Variants in LIMCH1 observed in about 807,000 individuals in gnomAD.
LIMCH1 encodes LIM and calponin homology domains 1.
A neutral mutation model predicts 176.5 loss-of-function variants in LIMCH1; 113 were observed. That is an observed-to-expected ratio of 0.64 (90% CI 0.55 to 0.75). The LOEUF is 0.75. LIMCH1 is among the 30% of genes least tolerant of loss of function. The pLI is 0.00. For missense variants in LIMCH1, 1,674 were observed against 1,814.9 expected (o/e 0.92, Z 1.41); for synonymous variants, 619 against 645.9 (o/e 0.96, Z 0.63).
intron 5 of LIMCH1, among the ~76,000 whole-genome samples, chr4:41,618,466 A>T (rs2092310056): frequency 6.6e-6 from 1 of 152,220 alleles, no homozygotes; most frequent in African/African-American, 2.4e-5. Context: ...CAATGACATA[A>T]TAACTATAAA....
intron 6 of LIMCH1, chr4:41,619,979 A>C (rs2092438917): frequency 1.1e-5 from 2 of 183,814 alleles, no homozygotes; most frequent in Admixed American, 1.1e-4. Context: ...TTATTTATTC[A>C]TTTATTCAGC....
At chr4:41,468,842 C>T (rs2066536142) in intron 1 of LIMCH1, among the ~76,000 whole-genome samples, 3 of 152,070 alleles carry the variant, frequency 2.0e-5, no homozygotes, top group Admixed American at 1.3e-4. Context: ...TAACTCTGGG[C>T]TTTTGTGTGT....
At chr4:41,439,088 T>G (rs1046957065) in intron 1 of LIMCH1, among the ~76,000 whole-genome samples, 5 of 152,192 alleles carry the variant, frequency 3.3e-5, no homozygotes, top group African/African-American at 4.8e-5. Flanking sequence ...ATGTGGAAGA[T>G]GTACCCTTCA....
At chr4:41,502,267 T>C (rs1383833389) in intron 2 of LIMCH1, among the ~76,000 whole-genome samples, 1 of 152,216 alleles carries the variant, frequency 6.6e-6, no homozygotes, top group Non-Finnish European at 1.5e-5. Context: ...CTGCATAGTA[T>C]TCCATGGTGT....
At chr4:41,460,532 GTTGT>G (rs1049104312) in intron 1 of LIMCH1, among the ~76,000 whole-genome samples, 4 of 145,340 alleles carry the variant, frequency 2.8e-5, no homozygotes, top group East Asian at 4.0e-4. Flanking sequence ...TTTTTTTTAA[GTTGT>G]TTGTCAGTTT....
intron 16 of LIMCH1, 44 bp downstream of exon 16, chr4:41,646,324 G>C (rs745606835): frequency 6.4e-7 from 1 of 1,553,570 alleles, no homozygotes; most frequent in Admixed American, 2.1e-5. Flanking sequence ...ATATTATCTA[G>C]GTGTTTTTTT....
intron 1 of LIMCH1, among the ~76,000 whole-genome samples, chr4:41,370,890 T>C (rs1581134345): frequency 6.6e-6 from 1 of 152,042 alleles, no homozygotes. Context: ...TTTATGGCCG[T>C]TTTACAGATG....
At chr4:41,557,544 C>CTGTGTGTGTGTGTGTG (rs1027942562) in intron 1 of LIMCH1, among the ~76,000 whole-genome samples, 6 of 99,840 alleles carry the variant, frequency 6.0e-5, no homozygotes, top group African/African-American at 5.6e-4. Context: ...TCTTTATTGC[C>CTGTGTGTGTGTGTGTG]TCTGTGTGTG....
At chr4:41,410,857 G>A (rs1305704889) in intron 1 of LIMCH1, among the ~76,000 whole-genome samples, 1 of 152,044 alleles carries the variant, frequency 6.6e-6, no homozygotes, top group African/African-American at 2.4e-5. Context: ...ATCTCATTTT[G>A]CCAGGCCCTG....
At chr4:41,429,255 G>A (rs746276770) in intron 1 of LIMCH1, among the ~76,000 whole-genome samples, 5 of 152,076 alleles carry the variant, frequency 3.3e-5, no homozygotes, top group Non-Finnish European at 7.4e-5. Flanking sequence ...TCTTTAAGTA[G>A]TCTTATTCTA....
intron 1 of LIMCH1, chr4:41,551,097 T>C (rs1005398293): frequency 1.3e-5 from 2 of 152,210 alleles, no homozygotes; most frequent in Non-Finnish European, 2.9e-5. Context: ...TTCAGAATGT[T>C]TCTTCTATCT....
intron 1 of LIMCH1, among the ~76,000 whole-genome samples, chr4:41,565,659 A>T (rs1220095970): frequency 1.3e-5 from 2 of 152,120 alleles, no homozygotes; most frequent in African/African-American, 4.8e-5. Flanking sequence ...GGACTGGTGA[A>T]CTATTAGGTC....
At chr4:41,375,588 T>G (rs1325434013) in intron 1 of LIMCH1, among the ~76,000 whole-genome samples, 1 of 152,232 alleles carries the variant, frequency 6.6e-6, no homozygotes, top group East Asian at 1.9e-4. Flanking sequence ...AAGATATCTA[T>G]TTTTTGGAGC....
At chr4:41,512,541 A>AT (rs1420917345) in intron 2 of LIMCH1, among the ~76,000 whole-genome samples, 4 of 152,236 alleles carry the variant, frequency 2.6e-5, no homozygotes, top group Non-Finnish European at 5.9e-5. Context: ...CAAATGTGGT[A>AT]TATCCTTGCA....
chr4:41,481,862 T>C (rs1162736174), intron 1 of LIMCH1, among the ~76,000 whole-genome samples: 27 of 151,892 alleles, frequency 1.8e-4, no homozygotes, highest in African/African-American at 6.5e-4. Flanking sequence ...TTTTTTTTTT[T>C]TCTTTTGAGA....
At chr4:41,395,713 A>G (rs1040790779) in intron 1 of LIMCH1, among the ~76,000 whole-genome samples, 3 of 152,034 alleles carry the variant, frequency 2.0e-5, no homozygotes, top group Non-Finnish European at 4.4e-5. Flanking sequence ...TTATGGCTCC[A>G]TGTCACCCCC....
intron 1 of LIMCH1, among the ~76,000 whole-genome samples, chr4:41,403,435 G>A (rs937855969): frequency 3.3e-5 from 5 of 152,010 alleles, no homozygotes; most frequent in African/African-American, 9.7e-5. Context: ...ACAAAAATTA[G>A]CCAGGGGTGG....
chr4:41,438,595 T>C (rs899008259), intron 1 of LIMCH1, among the ~76,000 whole-genome samples: 2 of 152,160 alleles, frequency 1.3e-5, no homozygotes, highest in Admixed American at 6.6e-5. Flanking sequence ...CGCCTCGGCC[T>C]CCCAAAGTGC....
intron 2 of LIMCH1, among the ~76,000 whole-genome samples, chr4:41,518,226 C>T (rs1378537716): frequency 2.0e-5 from 3 of 152,070 alleles, no homozygotes; most frequent in Non-Finnish European, 4.4e-5. Flanking sequence ...TATAAGCTGC[C>T]CATTGCTATA....
Sources: allele counts gnomAD v4.1 joint callset (sites outside exome capture counted in the v4.1 genomes callset), GRCh38; gene constraint gnomAD v4.1.1; transcripts MANE v1.5; gene names NCBI Gene and HGNC (gene_info 2026-07-23, HGNC 2026-07-21).